SP2: variants seen among roughly 807,000 people sequenced by gnomAD.
SP2 encodes the protein transcription factor Sp2.
In SP2, 9 loss-of-function variants were observed where a neutral mutation model predicts 50.1. The observed-to-expected ratio is 0.18, with a 90% CI of 0.11 to 0.31. SP2 has a LOEUF of 0.31. Among genes scored for constraint, SP2 ranks in the 10% least tolerant of loss-of-function variants. The pLI is 1.00. For synonymous variants in SP2, 313 were observed against 326.6 expected, an observed-to-expected ratio of 0.96 and a Z score of 0.45; for missense variants, 581 against 806.5, an observed-to-expected ratio of 0.72 and a Z score of 3.39.
intron 4 of SP2, 51 bp from the exon 5 acceptor site, chr17:47,924,868 C>G (rs200650406): frequency 2.8e-5 from 42 of 1,501,276 alleles, no homozygotes; most frequent in Non-Finnish European, 3.8e-5. Context: ...AGGGTTGACT[C>G]GAGGTTTCAG....
chr17:47,927,961 A>T lies in SP2; in HGVS notation c.*137A>T. On this transcript the variant is annotated 3_prime_UTR_variant, in exon 7 of 7. Transcript: ENST00000376741. Reference sequence around the variant, plus strand: ...CTGTTCTGCAACTGTCCCCACAGGAAGGGGCTCTGTTCCCTGTATTGTCCT... The same window carrying T: ...CTGTTCTGCAACTGTCCCCACAGGATGGGGCTCTGTTCCCTGTATTGTCCT... 1.6e-6 allele frequency: 1 copy of T among 641,756 alleles called. No homozygotes were observed. Among genetic ancestry groups the T allele is most frequent in the African/African-American group, 1.8e-5 (1 of 55,412 alleles). 39.8% of individuals were successfully genotyped at this position (641,756 alleles called of 1,614,324 possible). A position where few individuals can be genotyped will look rare whatever the true frequency, so the allele number is the denominator to read the frequency against.
chr17:47,916,218 A>G lies in SP2; in HGVS notation c.147A>G (p.Ala49=), dbSNP rs745708614. 6.2e-7 allele frequency: 1 copy of G among 1,614,060 alleles called. No homozygotes were observed. Among genetic ancestry groups the G allele is most frequent in the Non-Finnish European group, 8.5e-7 (1 of 1,179,986 alleles). ...AATCSKIGPP[A]VEAAVTPPAP... is the part of the protein sequence containing the mutation. ...CATGTAGCAAAATTGGCCCTCCAGC[A>G]GTTGAAGCTGCTGTGACACCTCCTG... The change falls in exon 3 of 7, where the codon GCA becomes GCG. Residue 49 remains alanine (A), a synonymous_variant. Coordinates refer to ENST00000376741, the MANE Select transcript of SP2 (RefSeq NM_003110.6). This position sits in a 1 kb window ranked among gnomAD's most constrained non-coding sequence, Gnocchi z 4.7.
At chr17:47,920,378 C>T (rs1013745767) in intron 3 of SP2, among the ~76,000 whole-genome samples, 2 of 152,050 alleles carry the variant, frequency 1.3e-5, no homozygotes, top group African/African-American at 4.8e-5. Context: ...CAACCTCTGC[C>T]TCCCGGGTTC....
At chr17:47,920,672 C>T (rs1013796649) in intron 3 of SP2, among the ~76,000 whole-genome samples, 3 of 152,120 alleles carry the variant, frequency 2.0e-5, no homozygotes, top group Admixed American at 1.3e-4. Context: ...CCACCCGCCT[C>T]GGCCTCCCAA....
At chr17:47,919,098 G>A (rs1323102702) in intron 3 of SP2, among the ~76,000 whole-genome samples, 2 of 152,044 alleles carry the variant, frequency 1.3e-5, no homozygotes, top group African/African-American at 4.8e-5. Flanking sequence ...CAGAAAACTG[G>A]GAATGAGATT....
intron 1 of SP2, among the ~76,000 whole-genome samples, chr17:47,911,899 C>T (rs2035003797): frequency 6.6e-6 from 1 of 152,158 alleles, no homozygotes; most frequent in South Asian, 2.1e-4. Flanking sequence ...GAGACCCACC[C>T]CAGTTCGAGA....
rs768835190 is a variant in SP2 at position 47,925,019 on chromosome 17, C to A, written c.1473C>A (p.Ala491=). The A allele has an allele frequency of 6.2e-7, 1 of 1,614,040 alleles. No individual in the cohort carries two copies. Among genetic ancestry groups the A allele is most frequent in the South Asian group, 1.1e-5 (1 of 91,084 alleles). ...QIQLQMEQAL[A]GETQPGEKRR... is the part of the protein sequence containing the mutation. ...AGCTGCAAATGGAACAAGCCCTGGCCGGAGAGACCCAGCCCGGGGAGAAGC... is the reference window on the plus strand; with the variant it reads ...AGCTGCAAATGGAACAAGCCCTGGCAGGAGAGACCCAGCCCGGGGAGAAGC... The change falls in exon 5 of 7, where the codon GCC becomes GCA. Residue 491 remains alanine, a synonymous_variant. Transcript: ENST00000376741.
chr17:47,896,548 C>T lies in SP2; in HGVS notation c.7+255C>T, dbSNP rs570222050. Among the ~76,000 whole-genome samples the T allele has an allele frequency of 1.5e-3, 230 of 152,166 alleles. 4 individuals carry two copies. The highest frequency in any genetic ancestry group is 1.2e-3 in the South Asian group (6 of 4,832). ...CCTCGGAGCCCGCCGGGCGGGAGGG[C>T]GGCGCTTCCGGGGGCCGGCGAGAGG... On this transcript the variant is annotated intron_variant, in intron 1 of 6. Transcript: ENST00000376741.
chr17:47,909,711 ACAGT>A (rs1202964842), intron 1 of SP2: 4 of 983,760 alleles, frequency 4.1e-6, no homozygotes, highest in African/African-American at 3.5e-5. Context: ...AATGAACCAC[ACAGT>A]CAGAATCTCA....
intron 1 of SP2, chr17:47,908,558 A>T (rs528954525): frequency 6.6e-6 from 1 of 152,230 alleles, no homozygotes; most frequent in South Asian, 2.1e-4. Flanking sequence ...AGTGAATAAA[A>T]ATCTTTTTTT....
chr17:47,896,430 A>T, intron 1 of SP2, 137 bp downstream of exon 1: 666 of 416,924 alleles, frequency 1.6e-3, no homozygotes, highest in Middle Eastern at 5.4e-3. Flanking sequence ...CGGCTTCAGG[A>T]GGGGCGGGGG....
chr17:47,914,203 T>A (rs1270535129), intron 1 of SP2, among the ~76,000 whole-genome samples: 2 of 152,142 alleles, frequency 1.3e-5, no homozygotes, highest in African/African-American at 4.8e-5. Context: ...AAACCCTGTC[T>A]CTACTAAAAA....
chr17:47,916,895 A>G lies in SP2; in HGVS notation c.824A>G (p.Asp275Gly). 1 of 1,614,172 alleles carries G rather than the reference A, an allele frequency of 6.2e-7. No individual in the cohort carries two copies. The highest frequency in any genetic ancestry group is 8.5e-7 in the Non-Finnish European group (1 of 1,180,020). Residue 275 changes from aspartate (D) to glycine (G), a missense_variant, in exon 3 of 7, where the codon GAC (aspartate) becomes GGC (glycine). Physicochemically the swap from Asp to Gly is moderately conservative, Grantham distance 94. Around this residue, in one of 2 missense-constraint regions of SP2, gnomAD observed 397 missense variants for 491.0 expected, o/e 0.81. Transcript: ENST00000376741. The surrounding 1 kb of genome is among the most constrained non-coding windows in gnomAD (Gnocchi z 4.7). ...ACGGTGCTGATCGAGACCACCGCGG[A>G]CAACATCATCCAGGCAGGAAATAAC... ...VETVLIETTA[D>G]NIIQAGNNLL... is the part of the protein sequence containing the mutation.
At chr17:47,905,689 G>A (rs892637897) in intron 1 of SP2, among the ~76,000 whole-genome samples, 3 of 152,176 alleles carry the variant, frequency 2.0e-5, no homozygotes, top group Non-Finnish European at 4.4e-5. Flanking sequence ...TAGAAAGACC[G>A]TGGGACAGGG....
chr17:47,896,969 C>T (rs1273790706), intron 1 of SP2, among the ~76,000 whole-genome samples: 1 of 152,242 alleles, frequency 6.6e-6, no homozygotes, highest in Non-Finnish European at 1.5e-5. Flanking sequence ...GATCCTTGAT[C>T]TTCCAGCTAG....
intron 1 of SP2, among the ~76,000 whole-genome samples, chr17:47,911,963 C>A (rs905353797): frequency 1.3e-5 from 2 of 152,270 alleles, no homozygotes; most frequent in Non-Finnish European, 1.5e-5. Flanking sequence ...CTCAGCTTAG[C>A]CCCAGACAAA....
At chr17:47,898,900 G>C (rs763755856) in intron 1 of SP2, 1 of 152,218 alleles carries the variant, frequency 6.6e-6, no homozygotes, top group Non-Finnish European at 1.5e-5. Context: ...TGGGTGATAT[G>C]TCTGGAGTTT....
Position 47,919,825 on chromosome 17 carries a change from C to CTTTTTTTTTTTTTT in SP2, c.1059+2704_1059+2717dup, listed in dbSNP as rs141856390. On this transcript the variant is annotated intron_variant, in intron 3 of 6. Coordinates refer to ENST00000376741, the MANE Select transcript of SP2 (RefSeq NM_003110.6). Reference sequence around the variant, plus strand: ...TTTGATCTGAAACACTTTGTCATTCCTTTTTTTTTTTTTTTTTTTTTTCTG... The same window carrying CTTTTTTTTTTTTTT: ...TTTGATCTGAAACACTTTGTCATTCCTTTTTTTTTTTTTTTTTTTTTTTTTTTTTTTTTTTTCTG... Among the ~76,000 whole-genome samples, 17 of 94,800 alleles carry CTTTTTTTTTTTTTT rather than the reference C, an allele frequency of 1.8e-4. 1 individual carries two copies. The highest frequency in any genetic ancestry group is 2.9e-4 in the Admixed American group (2 of 6,898). 62.2% of individuals were successfully genotyped at this position (94,800 alleles called of 152,430 possible). A position where few individuals can be genotyped will look rare whatever the true frequency, so the allele number is the denominator to read the frequency against.
intron 1 of SP2, 45 bp from the exon 2 acceptor site, chr17:47,915,267 T>C: frequency 1.4e-6 from 2 of 1,386,316 alleles, no homozygotes; most frequent in Non-Finnish European, 1.0e-6. Context: ...GCTTGCGTTC[T>C]TTTTGGGCAT....
Sources: allele counts gnomAD v4.1 joint callset (sites outside exome capture counted in the v4.1 genomes callset), GRCh38; gene constraint gnomAD v4.1.1; regional missense constraint gnomAD v4.1.1; non-coding constraint Gnocchi (gnomAD v3.1); transcripts MANE v1.5; gene names NCBI Gene and HGNC (gene_info 2026-07-23, HGNC 2026-07-21).